The following PCDHGA6 variants were observed in gnomAD, a reference collection of about 807,000 sequenced individuals.
The protein encoded by PCDHGA6 is protocadherin gamma subfamily A, 6, also known as protocadherin gamma-A6.
In PCDHGA6, 41 loss-of-function variants were observed where a neutral mutation model predicts 60.6. That is an observed-to-expected ratio of 0.68 (90% confidence interval 0.53 to 0.88). The LOEUF (loss-of-function observed/expected upper bound fraction) is 0.88. Among genes scored for constraint, PCDHGA6 ranks in the 40% least tolerant of loss-of-function variants. PCDHGA6 has a pLI of 0.00. For synonymous variants in PCDHGA6, 594 were observed against 524.4 expected, an observed-to-expected ratio of 1.13 and a Z score of -1.81; for missense variants, 1,312 against 1,203.0, an observed-to-expected ratio of 1.09 and a Z score of -1.34.
At chr5:141,450,297 G>A (rs1414677718) in intron 1 of PCDHGA6, among the ~76,000 whole-genome samples, 3 of 151,838 alleles carry the variant, frequency 2.0e-5, no homozygotes, top group Non-Finnish European at 4.4e-5. Context: ...ACAGGCGTGA[G>A]CCACCATGTG....
At chr5:141,393,722 A>T in intron 1 of PCDHGA6, 1 of 1,613,892 alleles carries the variant, frequency 6.2e-7, no homozygotes, top group Non-Finnish European at 8.5e-7. Context: ...AAATATCAAT[A>T]GCAAAAAGTC....
At chr5:141,439,029 G>A (rs2098083069) in intron 1 of PCDHGA6, among the ~76,000 whole-genome samples, 1 of 151,510 alleles carries the variant, frequency 6.6e-6, no homozygotes, top group Non-Finnish European at 1.5e-5. Flanking sequence ...GAAAATAGAT[G>A]CCTCAGTTCA....
chr5:141,375,345 C>T lies in PCDHGA6; in HGVS notation c.1262C>T (p.Thr421Ile), dbSNP rs749825552. The change falls in exon 1 of 4, where the codon ACT (threonine) becomes ATT (isoleucine). Residue 421 changes from threonine (T) to isoleucine (I), a missense_variant. Thr to Ile is a moderately conservative substitution (Grantham distance 89). Transcript: ENST00000517434. ...DREEVFLYNI[T>I]VTATDKGTPP... Reference sequence around the variant, plus strand: ...GAAGAGGTATTCTTGTACAACATCACTGTGACAGCCACGGACAAAGGAACA... The same window carrying T: ...GAAGAGGTATTCTTGTACAACATCATTGTGACAGCCACGGACAAAGGAACA... 8 of 1,613,858 alleles carry T rather than the reference C, an allele frequency of 5.0e-6. No individual in the cohort carries two copies. The highest frequency in any genetic ancestry group is 4.4e-5 in the South Asian group (4 of 91,084).
At chr5:141,410,665 G>C (rs372651223) in intron 1 of PCDHGA6, 9 of 1,569,394 alleles carry the variant, frequency 5.7e-6, no homozygotes, top group Non-Finnish European at 7.7e-6. Flanking sequence ...TAGTCTACTA[G>C]TTTCTCATAT....
At chr5:141,437,741 C>CT (rs35124340) in intron 1 of PCDHGA6, among the ~76,000 whole-genome samples, 18,734 of 141,656 alleles carry the variant, frequency 0.13, 1,459 homozygotes, top group African/African-American at 0.22. Context: ...TTGAGTTCAC[C>CT]TTTTTTTTTT....
intron 1 of PCDHGA6, among the ~76,000 whole-genome samples, chr5:141,381,744 G>A (rs1175308296): frequency 3.3e-5 from 5 of 151,430 alleles, no homozygotes; most frequent in Non-Finnish European, 5.9e-5. Flanking sequence ...TTTGGATTCC[G>A]ACATTGTTCT....
intron 1 of PCDHGA6, chr5:141,403,099 C>T (rs762392585): frequency 2.5e-6 from 4 of 1,613,938 alleles, no homozygotes; most frequent in Non-Finnish European, 2.5e-6. Flanking sequence ...GCAACATCTC[C>T]AAGGACCTGG....
Position 141,419,064 on chromosome 5 carries a change from A to G in PCDHGA6, c.2424+42557A>G, listed in dbSNP as rs149057484. ...ATTCATTCTTCTTCTAATAATTACT[A>G]CAAGCTAGTAACAGATGAGGCCCTG... On this transcript the variant is annotated intron_variant, in intron 1 of 3. Transcript: ENST00000517434. 51 of 1,613,962 alleles carry G rather than the reference A, an allele frequency of 3.2e-5. No homozygotes were observed. In the African/African-American group the frequency reaches 5.9e-4, roughly 19 times the overall value.
At chr5:141,483,224 G>A (rs530779494) in intron 1 of PCDHGA6, among the ~76,000 whole-genome samples, 17 of 152,242 alleles carry the variant, frequency 1.1e-4, no homozygotes, top group Middle Eastern at 3.4e-3. Flanking sequence ...AGTCACTGCA[G>A]AAATTTGAAC....
rs1772639427 is a variant in PCDHGA6 at position 141,376,394 on chromosome 5, C to T, written c.2311C>T (p.Pro771Ser). Residue 771 changes from proline (P) to serine (S), a missense_variant, in exon 1 of 4, where the codon CCC becomes TCC. By Grantham distance (74) the Pro-to-Ser change is moderately conservative (BLOSUM62 -1). Coordinates refer to ENST00000517434, the MANE Select transcript of PCDHGA6 (RefSeq NM_018919.3). ...ADSRKSHLIF[P>S]QPNYADTLIN... ...CTCGCGTAAGAGTCATCTGATTTTC[C>T]CCCAGCCCAACTATGCCGACACGCT... 5 of 1,614,110 alleles carry T rather than the reference C, an allele frequency of 3.1e-6. No homozygotes were observed. The highest frequency in any genetic ancestry group is 1.1e-5 in the South Asian group (1 of 91,096).
At chr5:141,413,796 G>A in intron 1 of PCDHGA6, 2 of 1,613,190 alleles carry the variant, frequency 1.2e-6, no homozygotes, top group Non-Finnish European at 1.7e-6. Flanking sequence ...TAGATCGCGA[G>A]GAAGAGGCCA....
At chr5:141,423,006 T>G (rs746057587) in intron 1 of PCDHGA6, 12 of 1,614,078 alleles carry the variant, frequency 7.4e-6, no homozygotes, top group African/African-American at 1.3e-5. Context: ...CCAAGGTGGT[T>G]GCGGTGGACA....
intron 1 of PCDHGA6, chr5:141,384,110 T>G: frequency 6.2e-7 from 1 of 1,604,780 alleles, no homozygotes; most frequent in Non-Finnish European, 8.5e-7. Context: ...TATTATAGAT[T>G]GGTCACAACC....
At chr5:141,404,002 A>G in intron 1 of PCDHGA6, 2 of 1,613,928 alleles carry the variant, frequency 1.2e-6, no homozygotes, top group South Asian at 1.1e-5. Context: ...TGACCATTAC[A>G]TCTCTGTTTA....
intron 1 of PCDHGA6, chr5:141,389,770 C>T: frequency 4.3e-6 from 7 of 1,613,166 alleles, no homozygotes; most frequent in Admixed American, 1.7e-5. Flanking sequence ...ACAGCGCGTG[C>T]CTTAGGCGAC....
chr5:141,384,752 C>A, intron 1 of PCDHGA6: 1 of 1,614,024 alleles, frequency 6.2e-7, no homozygotes, highest in East Asian at 2.2e-5. Flanking sequence ...GGACTCTTTG[C>A]GGTTGGGCTG....
chr5:141,470,778 C>A (rs1047167697), intron 1 of PCDHGA6, among the ~76,000 whole-genome samples: 1 of 152,132 alleles, frequency 6.6e-6, no homozygotes, highest in African/African-American at 2.4e-5. Context: ...GTCTTGAATT[C>A]CTGGGCTCAA....
chr5:141,416,791 G>C (rs1389798483), intron 1 of PCDHGA6: 1 of 152,166 alleles, frequency 6.6e-6, no homozygotes, highest in Non-Finnish European at 1.5e-5. Flanking sequence ...TCTACTAAAT[G>C]TGGTAGTATA....
At chr5:141,405,389 T>A in intron 1 of PCDHGA6, 12 of 1,600,534 alleles carry the variant, frequency 7.5e-6, no homozygotes, top group Non-Finnish European at 8.5e-6. Context: ...GAGTTCATTT[T>A]TTTTCTTTCT....
Sources: gnomAD v4.1 joint callset for allele counts (sites outside exome capture counted in the v4.1 genomes callset) on GRCh38, gnomAD v4.1.1 for gene constraint, MANE v1.5 for transcripts, NCBI Gene and HGNC (gene_info 2026-07-23, HGNC 2026-07-21) for gene names.